The following PTPRD variants were observed in gnomAD, a reference collection of about 807,000 sequenced individuals.
The protein encoded by PTPRD is protein tyrosine phosphatase receptor type D.
A neutral mutation model predicts 214.5 loss-of-function variants in PTPRD; 34 were observed. The observed-to-expected ratio is 0.16, with a 90% confidence interval of 0.12 to 0.21. PTPRD has a LOEUF of 0.21. PTPRD is among the 10% of genes least tolerant of loss of function. PTPRD has a pLI of 1.00. For missense variants in PTPRD, 2,545 were observed against 2,398.7 expected (o/e 1.06, Z -1.27); for synonymous variants, 1,128 against 845.7 (o/e 1.33, Z -5.79).
Position 8,501,022 on chromosome 9 carries a change from G to A in PTPRD, c.1860C>T (p.Ser620=), listed in dbSNP as rs1212781475. ...SAPPQDISCT[S]PSSTSILVSW... ...TTACCAAAATACTAGTGGAACTTGG[G>A]CTGGTGCAACTAATGTCTTGAGGAG... The change falls in exon 24 of 46, where the codon AGC becomes AGT. Residue 620 remains serine (S), a synonymous_variant. Transcript: ENST00000381196. 2.5e-6 allele frequency: 4 copies of A among 1,613,912 alleles called. No homozygotes were observed. The highest frequency in any genetic ancestry group is 3.3e-5 in the Admixed American group (2 of 60,008).
chr9:8,505,087 A>G (rs7868790), intron 22 of PTPRD, among the ~76,000 whole-genome samples: 29,427 of 152,196 alleles, frequency 0.19, 3,075 homozygotes, highest in East Asian at 0.24. Context: ...CAGAAAAAAA[A>G]TAGATTCACA....
chr9:10,484,828 CT>C (rs1555410422), intron 2 of PTPRD, among the ~76,000 whole-genome samples: 1 of 151,814 alleles, frequency 6.6e-6, no homozygotes, highest in Non-Finnish European at 1.5e-5. Context: ...TGTCTCTTCA[CT>C]TTTTTTTCCT....
chr9:8,790,081 A>G (rs928652017), intron 11 of PTPRD, among the ~76,000 whole-genome samples: 1 of 152,100 alleles, frequency 6.6e-6, no homozygotes, highest in Non-Finnish European at 1.5e-5. Flanking sequence ...CAGTGCTGCC[A>G]TCATCACTCA....
At chr9:10,560,825 C>T (rs1182988030) in intron 2 of PTPRD, among the ~76,000 whole-genome samples, 2 of 152,118 alleles carry the variant, frequency 1.3e-5, no homozygotes, top group Admixed American at 6.5e-5. Flanking sequence ...TGTTCAATAG[C>T]AACAGGATGC....
At chr9:8,575,273 T>G (rs1466228922) in intron 14 of PTPRD, among the ~76,000 whole-genome samples, 2 of 152,184 alleles carry the variant, frequency 1.3e-5, no homozygotes, top group Non-Finnish European at 2.9e-5. Context: ...TATTTATATA[T>G]TTCAAGCAGG....
intron 9 of PTPRD, among the ~76,000 whole-genome samples, chr9:9,279,814 G>C (rs1214355050): frequency 1.3e-5 from 2 of 150,948 alleles, no homozygotes; most frequent in Non-Finnish European, 1.5e-5. Flanking sequence ...ATGTGTTAAT[G>C]TCCAACTTTT....
chr9:9,769,760 GC>G (rs780786158), intron 5 of PTPRD, among the ~76,000 whole-genome samples: 1 of 151,030 alleles, frequency 6.6e-6, no homozygotes, highest in Admixed American at 6.6e-5. Context: ...CCCTCCCCTA[GC>G]CCCCCACCCA....
At chr9:10,069,533 T>C (rs1028670411) in intron 3 of PTPRD, among the ~76,000 whole-genome samples, 1 of 152,064 alleles carries the variant, frequency 6.6e-6, no homozygotes, top group Non-Finnish European at 1.5e-5. Flanking sequence ...GAGAAAATAA[T>C]GCTTTTTCTT....
At chr9:10,600,681 C>G (rs545530304) in intron 2 of PTPRD, among the ~76,000 whole-genome samples, 1 of 151,846 alleles carries the variant, frequency 6.6e-6, no homozygotes, top group East Asian at 1.9e-4. Context: ...TGGGAAACAA[C>G]AGAAAACTGA....
chr9:10,172,065 CA>C (rs2099211568), intron 3 of PTPRD, among the ~76,000 whole-genome samples: 1 of 152,078 alleles, frequency 6.6e-6, no homozygotes, highest in African/African-American at 2.4e-5. Flanking sequence ...AATGATGGAG[CA>C]ATGAAAATAT....
chr9:8,909,662 C>A (rs10977355), intron 11 of PTPRD, among the ~76,000 whole-genome samples: 1 of 151,870 alleles, frequency 6.6e-6, no homozygotes, highest in Non-Finnish European at 1.5e-5. Context: ...AAACGGAATG[C>A]TTTTCTCCTA....
At chr9:8,890,957 G>C (rs1423855078) in intron 11 of PTPRD, among the ~76,000 whole-genome samples, 1 of 152,034 alleles carries the variant, frequency 6.6e-6, no homozygotes, top group Non-Finnish European at 1.5e-5. Context: ...CTGCCTTTTA[G>C]GATTACTGAT....
rs551375866 is a variant in PTPRD at position 10,580,980 on chromosome 9, A to T, written c.-600+31418T>A. 2.0e-5 allele frequency among the ~76,000 whole-genome samples: 3 copies of T among 152,334 alleles called. No individual in the cohort carries two copies. The South Asian group carries it at 6.2e-4, about 32-fold the overall frequency. ...AAGCACTGTTCTCACAGTAAAAGGC[A>T]GCAAAGCACAGGAGCCTATATTGCA... On this transcript the variant is annotated intron_variant, in intron 2 of 45. Transcript: ENST00000381196.
At chr9:8,581,726 G>A (rs570389974) in intron 14 of PTPRD, among the ~76,000 whole-genome samples, 4 of 149,236 alleles carry the variant, frequency 2.7e-5, no homozygotes, top group South Asian at 4.3e-4. Flanking sequence ...TAGCCCGGAC[G>A]ACAGAGCGAG....
chr9:8,822,236 G>C (rs1043158409), intron 11 of PTPRD, among the ~76,000 whole-genome samples: 2 of 152,102 alleles, frequency 1.3e-5, no homozygotes, highest in Non-Finnish European at 1.5e-5. Flanking sequence ...TAGTATATCT[G>C]GTCTCTTTGA....
At chr9:9,384,198 ACT>A (rs2063147970) in intron 9 of PTPRD, among the ~76,000 whole-genome samples, 21 of 151,948 alleles carry the variant, frequency 1.4e-4, no homozygotes, top group Admixed American at 1.2e-3. Context: ...AAATCAGTGA[ACT>A]AGTAGGTATA....
At chr9:10,468,385 C>A (rs907964895) in intron 2 of PTPRD, among the ~76,000 whole-genome samples, 1 of 152,228 alleles carries the variant, frequency 6.6e-6, no homozygotes, top group East Asian at 1.9e-4. Context: ...TCATTCTCAG[C>A]AAACTGACAC....
Position 8,317,684 on chromosome 9 carries a change from G to C in PTPRD, c.*190C>G, listed in dbSNP as rs916858908. The stretch of plus-strand genomic sequence containing the variant: ...ATTCTCTTCATTATTTTTCAGGTTA[G>C]ATTATTAAACTGTGAATTCTTGGTC... On this transcript the variant is annotated 3_prime_UTR_variant, in exon 46 of 46. Transcript: ENST00000381196. 33 of 473,520 alleles carry C rather than the reference G, an allele frequency of 7.0e-5. No homozygotes were observed. The highest frequency in any genetic ancestry group is 1.1e-4 in the Non-Finnish European group (29 of 257,366). The allele number at this position is 473,520 out of a possible 1,614,324, so 29.3% of individuals were successfully genotyped here.
chr9:8,895,884 T>G (rs1004012429), intron 11 of PTPRD, among the ~76,000 whole-genome samples: 1 of 152,232 alleles, frequency 6.6e-6, no homozygotes, highest in Non-Finnish European at 1.5e-5. Context: ...AGAGAGAAGT[T>G]GAGCCGAATA....
Sources: gnomAD v4.1 joint callset for allele counts (sites outside exome capture counted in the v4.1 genomes callset) on GRCh38, gnomAD v4.1.1 for gene constraint, MANE v1.5 for transcripts, NCBI Gene and HGNC (gene_info 2026-07-23, HGNC 2026-07-21) for gene names.